GDPD5: variants seen among roughly 807,000 people sequenced by gnomAD.
GDPD5 encodes the protein glycerophosphodiester phosphodiesterase 2.
In GDPD5, 48 loss-of-function variants were observed where a neutral mutation model predicts 75.1. The observed-to-expected ratio is 0.64, with a 90% CI of 0.51 to 0.81. The LOEUF (loss-of-function observed/expected upper bound fraction) is 0.81, where lower values mean the gene tolerates loss of function less well. Ranked by LOEUF, GDPD5 falls within the 40% of genes least tolerant of loss-of-function variation. GDPD5 has a pLI of 0.00. For missense variants in GDPD5, 706 were observed against 822.6 expected, an observed-to-expected ratio of 0.86 and a Z score of 1.73; for synonymous variants, 336 against 339.0, an observed-to-expected ratio of 0.99 and a Z score of 0.10.
At position 75,441,575 on chromosome 11, in the gene GDPD5, G is replaced by A. The variant is rs1592058585; in HGVS notation, c.1325+71C>T. On this transcript the variant is annotated intron_variant, in intron 13 of 16. Transcript: ENST00000336898. ...GTGTGTGTGTGTGTGTGTGTTGGGG[G>A]GTGGTGGTGGCAGGACTGGGAGAGA... 40 of 1,352,340 alleles carry A rather than the reference G, an allele frequency of 3.0e-5. 1 individual carries two copies. The South Asian group carries it at 5.4e-4, about 18-fold the overall frequency. The allele number at this position is 1,352,340 out of a possible 1,614,324, so 83.8% of individuals were successfully genotyped here. A position where few individuals can be genotyped will look rare whatever the true frequency, so the allele number is the denominator to read the frequency against.
intron 3 of GDPD5, among the ~76,000 whole-genome samples, chr11:75,476,807 T>C (rs1949788348): frequency 6.6e-6 from 1 of 152,086 alleles, no homozygotes; most frequent in Non-Finnish European, 1.5e-5. Context: ...GTGGATAAGC[T>C]TCCCCGACCT....
intron 15 of GDPD5, 28 bp from the exon 16 acceptor site, chr11:75,437,076 G>T: frequency 1.3e-6 from 2 of 1,554,474 alleles, no homozygotes; most frequent in Non-Finnish European, 1.8e-6. Flanking sequence ...TGGGCATCAG[G>T]TCTCTCCTCA....
intron 3 of GDPD5, 124 bp downstream of exon 3, chr11:75,477,495 A>G (rs1949803274): frequency 2.1e-6 from 1 of 486,310 alleles, no homozygotes; most frequent in Non-Finnish European, 3.7e-6. Context: ...AGAAACTGAA[A>G]CCCAGAAAGG....
chr11:75,483,395 G>A (rs550192810), intron 2 of GDPD5, among the ~76,000 whole-genome samples: 20 of 152,254 alleles, frequency 1.3e-4, no homozygotes, highest in Non-Finnish European at 2.1e-4. Flanking sequence ...TGGGATGGGC[G>A]TGCACCTCCG....
intron 2 of GDPD5, among the ~76,000 whole-genome samples, chr11:75,484,329 T>G (rs1949978811): frequency 1.3e-5 from 2 of 152,216 alleles, no homozygotes; most frequent in Non-Finnish European, 2.9e-5. Context: ...TGTGAGGTGC[T>G]GCGAGGTCAG....
intron 1 of GDPD5, chr11:75,508,904 T>C (rs901181770): frequency 1.3e-5 from 2 of 152,220 alleles, no homozygotes; most frequent in Non-Finnish European, 2.9e-5. Flanking sequence ...CCTGGGCAGG[T>C]GGCTTTGGCT....
chr11:75,493,372 C>G (rs142664611), intron 1 of GDPD5, among the ~76,000 whole-genome samples: 2 of 130,548 alleles, frequency 1.5e-5, no homozygotes, highest in African/African-American at 5.4e-5. Context: ...AAACTCTTCT[C>G]TGTTTTTTAT....
chr11:75,452,149 T>C (rs1312585772), intron 6 of GDPD5: 1 of 152,300 alleles, frequency 6.6e-6, no homozygotes, highest in African/African-American at 2.4e-5. Flanking sequence ...GAACCCCGCC[T>C]TGCAGAGGTG....
chr11:75,473,482 C>A (rs1052591633), intron 3 of GDPD5, among the ~76,000 whole-genome samples: 15 of 152,042 alleles, frequency 9.9e-5, no homozygotes, highest in Non-Finnish European at 2.1e-4. Context: ...GGAATGCCTC[C>A]CCAGCCTGCA....
intron 3 of GDPD5, among the ~76,000 whole-genome samples, chr11:75,475,447 C>T (rs1459522092): frequency 6.6e-5 from 10 of 152,232 alleles, no homozygotes; most frequent in Admixed American, 1.3e-4. Flanking sequence ...GGAGCCCCTA[C>T]CCTGCACCAG....
At chr11:75,453,963 G>C (rs1023419326) in intron 6 of GDPD5, among the ~76,000 whole-genome samples, 6 of 152,120 alleles carry the variant, frequency 3.9e-5, no homozygotes, top group African/African-American at 1.4e-4. Context: ...TCTTGGAGTG[G>C]GAAAGACCTT....
At chr11:75,460,961 GT>G (rs1949397469) in intron 4 of GDPD5, among the ~76,000 whole-genome samples, 1 of 151,978 alleles carries the variant, frequency 6.6e-6, no homozygotes, top group Non-Finnish European at 1.5e-5. Context: ...GGTAGAGTGG[GT>G]AGCTCCATGG....
At chr11:75,453,451 T>C (rs1019851183) in intron 6 of GDPD5, among the ~76,000 whole-genome samples, 8 of 152,164 alleles carry the variant, frequency 5.3e-5, no homozygotes, top group Admixed American at 2.0e-4. Context: ...ACCTCGTCTC[T>C]ACTAAAAATA....
At chr11:75,511,688 T>G (rs913651229) in intron 1 of GDPD5, among the ~76,000 whole-genome samples, 1 of 152,142 alleles carries the variant, frequency 6.6e-6, no homozygotes, top group South Asian at 2.1e-4. Flanking sequence ...GCACTGACCA[T>G]TTGACAGAGG....
intron 1 of GDPD5, among the ~76,000 whole-genome samples, chr11:75,511,951 T>C (rs577116624): frequency 1.2e-4 from 19 of 152,288 alleles, no homozygotes; most frequent in Non-Finnish European, 8.8e-5. Flanking sequence ...GTTGTGAAGA[T>C]TGAGGTAATG....
At chr11:75,442,246 C>G in intron 12 of GDPD5, 117 bp downstream of exon 12, 2 of 742,662 alleles carry the variant, frequency 2.7e-6, no homozygotes, top group East Asian at 2.7e-5. Context: ...AGTGTGTGAT[C>G]CCCATTTTAC....
chr11:75,435,411 G>C lies in GDPD5; in HGVS notation c.*96C>G, dbSNP rs1168102718. ...AGCCCACAAGGAGGCTGTGGAGCCC[G>C]CTCCCAGAGCACTCCGAGTTCAGAC... On this transcript the variant is annotated 3_prime_UTR_variant, in exon 17 of 17. Coordinates refer to ENST00000336898, the MANE Select transcript of GDPD5 (RefSeq NM_030792.8). The C allele has an allele frequency of 5.0e-6, 6 of 1,209,714 alleles. No homozygotes were observed. The highest frequency in any genetic ancestry group is 1.7e-5 in the South Asian group (1 of 59,150). 74.9% of individuals were successfully genotyped at this position (1,209,714 alleles called of 1,614,324 possible).
intron 1 of GDPD5, among the ~76,000 whole-genome samples, chr11:75,496,725 G>A (rs1423034494): frequency 2.6e-5 from 4 of 151,316 alleles, no homozygotes; most frequent in African/African-American, 7.3e-5. Flanking sequence ...GCTATCTGAC[G>A]CCTCTTAGCC....
chr11:75,484,384 T>C (rs1949980300), intron 2 of GDPD5, among the ~76,000 whole-genome samples: 1 of 152,182 alleles, frequency 6.6e-6, no homozygotes. Flanking sequence ...ACCTTGGCTG[T>C]ACCTGGGCCC....
Sources: allele counts gnomAD v4.1 joint callset (sites outside exome capture counted in the v4.1 genomes callset), GRCh38; gene constraint gnomAD v4.1.1; transcripts MANE v1.5; gene names NCBI Gene and HGNC (gene_info 2026-07-23, HGNC 2026-07-21).